Variants in PNISR observed in about 807,000 individuals in gnomAD.
PNISR encodes the protein PNN interacting serine and arginine rich protein, also known as arginine/serine-rich protein PNISR.
PNISR carries 20 observed loss-of-function variants against 93.4 expected under a neutral mutation model. That is an observed-to-expected ratio of 0.21 (90% CI 0.15 to 0.31). PNISR has a LOEUF of 0.31. Among genes scored for constraint, PNISR ranks in the 10% least tolerant of loss-of-function variants. The pLI, the probability that PNISR is intolerant of heterozygous loss-of-function variation, is 1.00. For synonymous variants in PNISR, 305 were observed against 306.5 expected, an observed-to-expected ratio of 0.99 and a Z score of 0.05; for missense variants, 893 against 985.4, an observed-to-expected ratio of 0.91 and a Z score of 1.25.
At chr6:99,417,012 TTC>T (rs1283816317) in intron 1 of PNISR, among the ~76,000 whole-genome samples, 15 of 152,228 alleles carry the variant, frequency 9.9e-5, no homozygotes, top group African/African-American at 3.4e-4. Flanking sequence ...AGCTATTACT[TTC>T]TGTTTAAAGG....
Position 99,401,507 on chromosome 6 carries a change from C to T in PNISR, c.1451G>A (p.Arg484Lys). The change falls in exon 12 of 12, where the codon AGA becomes AAA. Residue 484 changes from arginine to lysine, a missense_variant. Arg to Lys is a conservative substitution (Grantham distance 26). Coordinates refer to ENST00000369239, the MANE Select transcript of PNISR (RefSeq NM_032870.4). The part of the protein sequence containing the change: ...ADGDVVNEKK[R>K]TPNETTSVLE... ...AACTGATGTGGTTTCATTTGGAGTT[C>T]TCTTCTTTTCATTAACCACATCACC... 6.2e-7 allele frequency: 1 copy of T among 1,613,044 alleles called. No homozygotes were observed.
chr6:99,402,747 A>G (rs749503552), intron 10 of PNISR, 37 bp from the exon 11 acceptor site: 10 of 1,464,218 alleles, frequency 6.8e-6, no homozygotes, highest in Non-Finnish European at 9.2e-6. Context: ...TATGAAAAAA[A>G]TTATACTATG....
At chr6:99,404,754 T>G in intron 8 of PNISR, 52 bp from the exon 9 acceptor site, 1 of 873,210 alleles carries the variant, frequency 1.1e-6, no homozygotes, top group Non-Finnish European at 1.9e-6. Flanking sequence ...CTACTAATAG[T>G]GTGACATCTT....
At chr6:99,409,139 A>G in intron 6 of PNISR, 34 bp downstream of exon 6, 1 of 1,560,962 alleles carries the variant, frequency 6.4e-7, no homozygotes, top group Non-Finnish European at 8.8e-7. Context: ...AAGTCATGCC[A>G]ATTGTGGTCC....
In PNISR at chr6:99,410,798, G is replaced by C. The variant is rs1410917459; in HGVS notation, c.444C>G (p.Asn148Lys). The change falls in exon 5 of 12, where the codon AAC becomes AAG. Residue 148 changes from asparagine (N) to lysine (K), a missense_variant. By Grantham distance (94) the Asn-to-Lys change is moderately conservative. This residue lies in a region of PNISR where 866 missense variants were observed against 935.1 expected (regional missense o/e 0.93). Transcript: ENST00000369239. The part of the protein sequence containing the change: ...NRHIFNQNNH[N>K]FGGPPDNFAV... ...CAAAATTATCGGGTGGTCCACCAAA[G>C]TTGTGATTGTTCTGGTTAAATATAT... 1.2e-6 allele frequency: 2 copies of C among 1,614,098 alleles called. No individual in the cohort carries two copies. Among genetic ancestry groups the C allele is most frequent in the Non-Finnish European group, 1.7e-6 (2 of 1,180,000 alleles).
chr6:99,425,114 C>CGTA, intron 1 of PNISR, 101 bp downstream of exon 1: 1 of 734,614 alleles, frequency 1.4e-6, no homozygotes, highest in Non-Finnish European at 1.9e-6. Context: ...CGCCAAGCAG[C>CGTA]GTACGCAGCC....
chr6:99,412,876 A>G, intron 3 of PNISR, 137 bp from the exon 4 acceptor site: 1 of 501,290 alleles, frequency 2.0e-6, no homozygotes, highest in Non-Finnish European at 3.4e-6. Context: ...GAAATTAGAA[A>G]AATTTTTTTT....
intron 3 of PNISR, among the ~76,000 whole-genome samples, chr6:99,412,992 G>C (rs994988874): frequency 6.6e-6 from 1 of 151,822 alleles, no homozygotes; most frequent in African/African-American, 2.4e-5. Flanking sequence ...TTTCAGGAAA[G>C]AACTCCACAA....
In PNISR at chr6:99,400,347, A is replaced by G; in HGVS notation, c.*193T>C. ...AGGGAAAAGACAAAATTTAAAAATA[A>G]AAATGTATTTTAAATTAAAAATCTG... On this transcript the variant is annotated 3_prime_UTR_variant, in exon 12 of 12. Transcript: ENST00000369239. 8.5e-7 allele frequency: 1 copy of G among 1,173,578 alleles called. No homozygotes were observed. Among genetic ancestry groups the G allele is most frequent in the Non-Finnish European group, 1.1e-6 (1 of 947,026 alleles). The allele number at this position is 1,173,578 out of a possible 1,614,324, so 72.7% of individuals were successfully genotyped here. A position where few individuals can be genotyped will look rare whatever the true frequency, so the allele number is the denominator to read the frequency against.
chr6:99,422,115 C>T (rs1293578061), intron 1 of PNISR, among the ~76,000 whole-genome samples: 3 of 152,192 alleles, frequency 2.0e-5, no homozygotes, highest in Non-Finnish European at 4.4e-5. Context: ...ATCCATCCTC[C>T]TCAGCCTCCC....
In PNISR at chr6:99,416,305, A is replaced by G. The variant is rs114458137; in HGVS notation, c.-32+44T>C. 1,538 of 571,410 alleles carry G rather than the reference A, an allele frequency of 2.7e-3. 22 individuals carry two copies. In the African/African-American group the frequency reaches 0.027, roughly 10 times the overall value. The allele number at this position is 571,410 out of a possible 1,614,324, so 35.4% of individuals were successfully genotyped here. On this transcript the variant is annotated intron_variant, in intron 2 of 11. Coordinates refer to ENST00000369239, the MANE Select transcript of PNISR (RefSeq NM_032870.4). ...ACTTTAATTAAGAGTTAACAAATAA[A>G]TAGGAAACACCAAGAAGACACACCA... is the stretch of plus-strand genomic sequence containing the variant.
intron 4 of PNISR, chr6:99,412,030 T>C (rs564145321): frequency 1.6e-5 from 5 of 310,676 alleles, no homozygotes; most frequent in South Asian, 1.4e-4. Context: ...TACATCATAC[T>C]GTGAAATAAA....
rs1262828848 is a variant in PNISR at position 99,400,537 on chromosome 6, A to T, written c.*3T>A. The T allele has an allele frequency of 1.9e-6, 3 of 1,604,918 alleles. No homozygotes were observed. Among genetic ancestry groups the T allele is most frequent in the East Asian group, 4.5e-5 (2 of 44,854 alleles). ...AATCAGACAAAATACTTTAAAAAGT[A>T]TACTACCTTGATCGGGACTTAGACT... On this transcript the variant is annotated 3_prime_UTR_variant, in exon 12 of 12. Transcript: ENST00000369239.
At chr6:99,406,693 CA>C (rs1776193516) in intron 7 of PNISR, among the ~76,000 whole-genome samples, 1 of 152,074 alleles carries the variant, frequency 6.6e-6, no homozygotes, top group African/African-American at 2.4e-5. Context: ...CTTTTTAGCT[CA>C]TAATAAAAAG....
At position 99,410,917 on chromosome 6, in the gene PNISR, A is replaced by G; in HGVS notation, c.325T>C (p.Trp109Arg). The change falls in exon 5 of 12, where the codon TGG becomes CGG. Residue 109 changes from tryptophan (W) to arginine (R), a missense_variant. Physicochemically the swap from Trp to Arg is moderately radical, Grantham distance 101 (BLOSUM62 -3). This residue lies in a region of PNISR where 866 missense variants were observed against 935.1 expected (regional missense o/e 0.93). Coordinates refer to ENST00000369239, the MANE Select transcript of PNISR (RefSeq NM_032870.4). ...QPPHPPPDQPWMPPTPGPMDI... is the reference protein window; with the variant it reads ...QPPHPPPDQPRMPPTPGPMDI... Reference sequence around the variant, plus strand: ...ATTGGGCCTGGTGTTGGTGGCATCCATGGCTGATCTGGAGGGGGGTGTGGG... The same window carrying G: ...ATTGGGCCTGGTGTTGGTGGCATCCGTGGCTGATCTGGAGGGGGGTGTGGG... 1 of 1,614,094 alleles carries G rather than the reference A, an allele frequency of 6.2e-7. No homozygotes were observed. Among genetic ancestry groups the G allele is most frequent in the Non-Finnish European group, 8.5e-7 (1 of 1,179,964 alleles).
chr6:99,414,709 A>AT lies in PNISR; in HGVS notation c.-31-20_-31-19insA. 1 of 1,140,518 alleles carries AT rather than the reference A, an allele frequency of 8.8e-7. No individual in the cohort carries two copies. The highest frequency in any genetic ancestry group is 1.3e-6 in the Non-Finnish European group (1 of 780,522). The allele number at this position is 1,140,518 out of a possible 1,614,324, so 70.6% of individuals were successfully genotyped here. A position where few individuals can be genotyped will look rare whatever the true frequency, so the allele number is the denominator to read the frequency against. ...TTTCTATCTTCAATAAATTAAACAT[A>AT]GTTTAAAAATTATAGTGAGTTATTT... On this transcript the variant is annotated intron_variant, in intron 2 of 11. Transcript: ENST00000369239.
At position 99,401,598 on chromosome 6, in the gene PNISR, C is replaced by G. The variant is rs575155498; in HGVS notation, c.1360G>C (p.Glu454Gln). 13 of 1,558,994 alleles carry G rather than the reference C, an allele frequency of 8.3e-6. No individual in the cohort carries two copies. The East Asian group carries it at 2.3e-4, about 27-fold the overall frequency. The change falls in exon 12 of 12, where the codon GAG (glutamate) becomes CAG (glutamine). Residue 454 changes from glutamate (E) to glutamine (Q), a missense_variant. Around this residue, in one of 3 missense-constraint regions of PNISR, gnomAD observed 866 missense variants for 935.1 expected, o/e 0.93. Coordinates refer to ENST00000369239, the MANE Select transcript of PNISR (RefSeq NM_032870.4). ...TCTTTATGGATAAATTCATTCATCT[C>G]TTTTGTAACCCTTTCTGTTTGCTGC... ...EKQQTERVTKEMNEFIHKEQN... is the reference protein window; with the variant it reads ...EKQQTERVTKQMNEFIHKEQN...
intron 1 of PNISR, 75 bp from the exon 2 acceptor site, chr6:99,416,503 A>C (rs748141845): frequency 2.2e-6 from 1 of 457,050 alleles, no homozygotes; most frequent in Non-Finnish European, 3.6e-6. Context: ...GAGATGCAAC[A>C]TAAGTGTGAT....
chr6:99,421,904 C>T (rs937735953), intron 1 of PNISR, among the ~76,000 whole-genome samples: 2 of 152,246 alleles, frequency 1.3e-5, no homozygotes, highest in South Asian at 2.1e-4. Flanking sequence ...CTCACTCTGT[C>T]GCCCAGGCTG....
Sources: gnomAD v4.1 joint callset for allele counts (sites outside exome capture counted in the v4.1 genomes callset) on GRCh38, gnomAD v4.1.1 for gene constraint, gnomAD v4.1.1 regional missense constraint, MANE v1.5 for transcripts, NCBI Gene and HGNC (gene_info 2026-07-23, HGNC 2026-07-21) for gene names.